KDM4C: variants seen among roughly 807,000 people sequenced by gnomAD.
KDM4C encodes lysine-specific demethylase 4C.
Under a neutral mutation model 129.3 loss-of-function variants are expected in KDM4C, and 81 were observed. That is an observed-to-expected ratio of 0.63 (90% CI 0.52 to 0.75). The LOEUF (loss-of-function observed/expected upper bound fraction) is 0.75, where lower values mean the gene tolerates loss of function less well. KDM4C is among the 30% of genes least tolerant of loss of function. The pLI, the probability that KDM4C is intolerant of heterozygous loss-of-function variation, is 0.00. For synonymous variants in KDM4C, 573 were observed against 456.1 expected (o/e 1.26, Z -3.26); for missense variants, 1,457 against 1,304.0 (o/e 1.12, Z -1.81).
chr9:6,974,075 C>CT (rs1401614119), intron 8 of KDM4C, among the ~76,000 whole-genome samples: 2 of 152,174 alleles, frequency 1.3e-5, no homozygotes, highest in African/African-American at 4.8e-5. Context: ...CTTAAACCCC[C>CT]TTTTCCCCCA....
chr9:7,018,575 T>TA (rs1167632652), intron 15 of KDM4C, among the ~76,000 whole-genome samples: 1 of 152,218 alleles, frequency 6.6e-6, no homozygotes, highest in Admixed American at 6.5e-5. Flanking sequence ...ATTTAGAAGT[T>TA]AGAGATTATC....
At chr9:7,170,471 A>T (rs1844848041) in intron 21 of KDM4C, 16 of 984,062 alleles carry the variant, frequency 1.6e-5, no homozygotes, top group Non-Finnish European at 1.8e-5. Context: ...TAGTAGTTTC[A>T]TGCCCTCACA....
chr9:6,887,072 T>A (rs182719086), intron 6 of KDM4C, among the ~76,000 whole-genome samples: 25 of 152,344 alleles, frequency 1.6e-4, no homozygotes, highest in Non-Finnish European at 3.2e-4. Context: ...GCCTTCCTGG[T>A]GCCTTCTCTC....
intron 6 of KDM4C, among the ~76,000 whole-genome samples, chr9:6,882,792 G>GTA (rs1467724912): frequency 6.6e-6 from 1 of 151,916 alleles, no homozygotes; most frequent in East Asian, 1.9e-4. Flanking sequence ...GTGTGTGTGT[G>GTA]TGTGTGTGTG....
chr9:7,147,272 G>C (rs1276685901), intron 19 of KDM4C, among the ~76,000 whole-genome samples: 1 of 152,142 alleles, frequency 6.6e-6, no homozygotes, highest in African/African-American at 2.4e-5. Context: ...AAGCGTCCTG[G>C]GTAGGTCAAG....
At chr9:6,856,957 C>T (rs1462272192) in intron 5 of KDM4C, among the ~76,000 whole-genome samples, 7 of 152,016 alleles carry the variant, frequency 4.6e-5, no homozygotes, top group Non-Finnish European at 1.0e-4. Flanking sequence ...CGGGGTTTCA[C>T]CGTGTTAGCC....
chr9:6,931,050 G>C (rs1823635755), intron 8 of KDM4C, among the ~76,000 whole-genome samples: 1 of 152,050 alleles, frequency 6.6e-6, no homozygotes, highest in Admixed American at 6.6e-5. Flanking sequence ...GATTCATCAG[G>C]AGAACCCTGG....
intron 18 of KDM4C, among the ~76,000 whole-genome samples, chr9:7,115,228 G>A (rs892517246): frequency 1.3e-5 from 2 of 152,062 alleles, no homozygotes; most frequent in Non-Finnish European, 2.9e-5. Context: ...TTTTTTCGTA[G>A]ATAAGGTGTA....
At chr9:6,859,287 C>G (rs530448021) in intron 5 of KDM4C, among the ~76,000 whole-genome samples, 2 of 151,074 alleles carry the variant, frequency 1.3e-5, no homozygotes, top group Admixed American at 1.3e-4. Context: ...ACCATCCTGG[C>G]CAACGTGGTG....
chr9:7,145,480 C>G (rs116006064), intron 19 of KDM4C, among the ~76,000 whole-genome samples: 9 of 152,226 alleles, frequency 5.9e-5, no homozygotes, highest in African/African-American at 2.2e-4. Flanking sequence ...TCATTCTTAC[C>G]CCCACTCTGC....
intron 4 of KDM4C, chr9:6,834,931 C>T: frequency 8.8e-7 from 1 of 1,141,230 alleles, no homozygotes; most frequent in Admixed American, 1.7e-5. Context: ...GTGACGGGGT[C>T]ACCCACAGTG....
At chr9:6,731,970 G>A (rs1012737181) in intron 1 of KDM4C, among the ~76,000 whole-genome samples, 1 of 152,072 alleles carries the variant, frequency 6.6e-6, no homozygotes, top group Non-Finnish European at 1.5e-5. Flanking sequence ...GTGCACCAGG[G>A]AGACTATTAT....
At chr9:6,801,331 C>G (rs1370276316) in intron 2 of KDM4C, among the ~76,000 whole-genome samples, 1 of 138,292 alleles carries the variant, frequency 7.2e-6, no homozygotes. Flanking sequence ...TGGCTCACTG[C>G]AAGCTCTGCC....
chr9:7,132,322 T>G (rs1311327934), intron 19 of KDM4C, among the ~76,000 whole-genome samples: 1 of 152,210 alleles, frequency 6.6e-6, no homozygotes, highest in East Asian at 1.9e-4. Flanking sequence ...CTATCCATGT[T>G]TGAGAATTTT....
chr9:6,843,824 A>G (rs1341156708), intron 4 of KDM4C, among the ~76,000 whole-genome samples: 1 of 152,162 alleles, frequency 6.6e-6, no homozygotes, highest in East Asian at 1.9e-4. Context: ...TTTTGTCTAA[A>G]AAAATCTTTT....
chr9:6,873,542 C>T (rs1248732885), intron 5 of KDM4C, among the ~76,000 whole-genome samples: 1 of 152,176 alleles, frequency 6.6e-6, no homozygotes, highest in Admixed American at 6.5e-5. Context: ...TTTCCTGAAA[C>T]GTCATGGTGC....
chr9:7,059,997 A>G (rs1436759588), intron 17 of KDM4C, among the ~76,000 whole-genome samples: 1 of 152,160 alleles, frequency 6.6e-6, no homozygotes, highest in Non-Finnish European at 1.5e-5. Flanking sequence ...CCGGATACCA[A>G]AAAGTTTGAA....
intron 4 of KDM4C, among the ~76,000 whole-genome samples, chr9:6,815,725 G>A (rs1186256373): frequency 6.6e-6 from 1 of 152,164 alleles, no homozygotes; most frequent in Non-Finnish European, 1.5e-5. Flanking sequence ...GGAGCATTTT[G>A]GAAGGGATGC....
intron 8 of KDM4C, among the ~76,000 whole-genome samples, chr9:6,942,247 C>T (rs1826080193): frequency 6.8e-6 from 1 of 147,774 alleles, no homozygotes; most frequent in Non-Finnish European, 1.5e-5. Flanking sequence ...TCTGTTTTAG[C>T]CTTATCTATT....
Sources: allele counts gnomAD v4.1 joint callset (sites outside exome capture counted in the v4.1 genomes callset), GRCh38; gene constraint gnomAD v4.1.1; transcripts MANE v1.5; gene names NCBI Gene and HGNC (gene_info 2026-07-23, HGNC 2026-07-21).